The following MME variants were observed in gnomAD, a reference collection of about 807,000 sequenced individuals.
MME encodes neprilysin.
Under a neutral mutation model 113.2 loss-of-function variants are expected in MME, and 98 were observed. The ratio of observed to expected loss-of-function variants is 0.87; its 90% CI spans 0.74 to 1.02. MME has a LOEUF of 1.02. Ranked by LOEUF, MME falls within the 50% of genes least tolerant of loss-of-function variation. MME has a pLI of 0.00. For synonymous variants in MME, 292 were observed against 300.6 expected, an observed-to-expected ratio of 0.97 and a Z score of 0.30; for missense variants, 836 against 896.0, an observed-to-expected ratio of 0.93 and a Z score of 0.86.
chr3:155,062,525 G>C (rs1338279505), intron 1 of MME, among the ~76,000 whole-genome samples: 2 of 151,902 alleles, frequency 1.3e-5, no homozygotes, highest in Non-Finnish European at 2.9e-5. Context: ...ACTAAACTTA[G>C]AATTATTTCA....
chr3:155,101,572 C>G (rs532665962), intron 3 of MME, among the ~76,000 whole-genome samples: 9 of 152,300 alleles, frequency 5.9e-5, no homozygotes, highest in African/African-American at 2.2e-4. Flanking sequence ...TCATTCCCCA[C>G]TTCTGGAAAA....
intron 8 of MME, among the ~76,000 whole-genome samples, chr3:155,123,319 T>G (rs1449213139): frequency 5.5e-5 from 6 of 108,212 alleles, no homozygotes; most frequent in Non-Finnish European, 9.5e-5. Flanking sequence ...TGTCTCTGCA[T>G]GTGAGATGGG....
chr3:155,059,180 G>A (rs1041757501), intron 1 of MME, among the ~76,000 whole-genome samples: 2 of 150,692 alleles, frequency 1.3e-5, no homozygotes, highest in South Asian at 2.1e-4. Context: ...GCTTGAACCC[G>A]GCGGGCAGAG....
chr3:155,074,023 C>T (rs1714666087), intron 1 of MME, among the ~76,000 whole-genome samples: 1 of 151,562 alleles, frequency 6.6e-6, no homozygotes, highest in Admixed American at 6.6e-5. Flanking sequence ...CTATTGACTT[C>T]TCTTCATCTC....
At chr3:155,044,366 C>CA (rs1260045143) in intron 1 of MME, among the ~76,000 whole-genome samples, 8 of 152,112 alleles carry the variant, frequency 5.3e-5, no homozygotes, top group Non-Finnish European at 1.2e-4. Context: ...CTCCTGATCT[C>CA]AGACGATCCA....
Position 155,116,452 on chromosome 3 carries a change from T to C in MME, c.359-27T>C, listed in dbSNP as rs191808045. On this transcript the variant is annotated intron_variant, in intron 4 of 22. Coordinates refer to ENST00000360490, the MANE Select transcript of MME (RefSeq NM_007289.4). ...TAGTGCAAATGAGCAATTATGTTGA[T>C]GCATTTTATTAAATGTCCTATTTCA... The C allele has an allele frequency of 2.9e-5, 43 of 1,473,178 alleles. No individual in the cohort carries two copies. The East Asian group carries it at 7.7e-4, about 26-fold the overall frequency. 91.3% of individuals were successfully genotyped at this position (1,473,178 alleles called of 1,614,324 possible).
At chr3:155,103,533 A>T (rs1477183087) in intron 3 of MME, among the ~76,000 whole-genome samples, 1 of 152,222 alleles carries the variant, frequency 6.6e-6, no homozygotes, top group Non-Finnish European at 1.5e-5. Context: ...CTAAGCTAGA[A>T]CTAGGTTAAT....
intron 14 of MME, 41 bp downstream of exon 14, chr3:155,144,498 T>G: frequency 1.5e-6 from 2 of 1,303,230 alleles, no homozygotes; most frequent in Non-Finnish European, 2.2e-6. Context: ...AAATCTTTGC[T>G]AGTATAGGAA....
upstream of MME, among the ~76,000 whole-genome samples, chr3:155,079,134 A>G (rs1254509421): frequency 6.6e-6 from 1 of 152,088 alleles, no homozygotes; most frequent in Non-Finnish European, 1.5e-5. Flanking sequence ...AAAGGGAAGA[A>G]AGAGGGAAGC....
intron 2 of MME, among the ~76,000 whole-genome samples, chr3:155,084,808 C>T (rs1027178276): frequency 6.6e-6 from 1 of 152,042 alleles, no homozygotes; most frequent in African/African-American, 2.4e-5. Flanking sequence ...ATTTAATAGG[C>T]CTGGGGCTTC....
chr3:155,043,511 T>C (rs529261968), intron 1 of MME, among the ~76,000 whole-genome samples: 2 of 152,086 alleles, frequency 1.3e-5, no homozygotes, highest in South Asian at 2.1e-4. Flanking sequence ...TATGTATTTT[T>C]AGTAGAGATG....
At chr3:155,030,570 A>G (rs1444887115) in intron 1 of MME, among the ~76,000 whole-genome samples, 1 of 151,876 alleles carries the variant, frequency 6.6e-6, no homozygotes, top group African/African-American at 2.4e-5. Context: ...CACTTTATCC[A>G]GCTTTTTTTT....
rs143857297 is a variant in MME, at chr3:155,165,553, C to G, written c.1661-1349C>G. ...TGGTAAGCCTTCCAAAGATTTTTAG[C>G]AGGAGAATGATGATGCCCAGAGTTG... On this transcript the variant is annotated intron_variant, in intron 17 of 22. Coordinates refer to ENST00000360490, the MANE Select transcript of MME (RefSeq NM_007289.4). 3.3e-5 allele frequency among the ~76,000 whole-genome samples: 5 copies of G among 152,168 alleles called. No individual in the cohort carries two copies. The East Asian group carries it at 9.7e-4, about 30-fold the overall frequency.
At chr3:155,152,534 T>G (rs547689607) in intron 16 of MME, among the ~76,000 whole-genome samples, 9 of 152,194 alleles carry the variant, frequency 5.9e-5, no homozygotes, top group Admixed American at 2.0e-4. Flanking sequence ...CTAACTCAGC[T>G]GCTAAAATAA....
intron 8 of MME, among the ~76,000 whole-genome samples, chr3:155,136,155 T>A (rs1720616110): frequency 1.3e-5 from 2 of 152,154 alleles, no homozygotes. Context: ...GATTGATTGA[T>A]CTAGGTAGGA....
chr3:155,108,121 C>A (rs1717851746), intron 3 of MME, among the ~76,000 whole-genome samples: 1 of 152,296 alleles, frequency 6.6e-6, no homozygotes, highest in East Asian at 1.9e-4. Flanking sequence ...CCACAGGAAC[C>A]TAACCTTGTA....
At position 155,134,682 on chromosome 3, in the gene MME, G is replaced by T. The variant is rs149778729; in HGVS notation, c.721-3420G>T. Among the ~76,000 whole-genome samples the T allele has an allele frequency of 4.9e-3, 750 of 152,216 alleles. 3 individuals carry two copies. The highest frequency in any genetic ancestry group is 8.4e-3 in the Non-Finnish European group (568 of 67,966). On this transcript the variant is annotated intron_variant, in intron 8 of 22. Coordinates refer to ENST00000360490, the MANE Select transcript of MME (RefSeq NM_007289.4). ...AATGAGATTTCTGGGTCAAATGGTAGTTCTATTTTAAGTTCTTTGAGAAAT... is the reference window on the plus strand; with the variant it reads ...AATGAGATTTCTGGGTCAAATGGTATTTCTATTTTAAGTTCTTTGAGAAAT...
At position 155,180,507 on chromosome 3, in the gene MME, A is replaced by G. The variant is rs1576683273; in HGVS notation, c.*48A>G. ...CCTTGGCTAGACTTGCCAACACCAC[A>G]GAAATGGGGAATTCTCTAATCGAAA... On this transcript the variant is annotated 3_prime_UTR_variant, in exon 23 of 23. Coordinates refer to ENST00000360490, the MANE Select transcript of MME (RefSeq NM_007289.4). The G allele has an allele frequency of 7.1e-7, 1 of 1,403,604 alleles. No individual in the cohort carries two copies. Among genetic ancestry groups the G allele is most frequent in the Non-Finnish European group, 1.0e-6 (1 of 988,498 alleles). The allele number at this position is 1,403,604 out of a possible 1,614,324, so 86.9% of individuals were successfully genotyped here. A position where few individuals can be genotyped will look rare whatever the true frequency, so the allele number is the denominator to read the frequency against.
At chr3:155,160,340 G>T (rs1722624292) in intron 16 of MME, 50 bp from the exon 17 acceptor site, 1 of 1,207,070 alleles carries the variant, frequency 8.3e-7, no homozygotes, top group South Asian at 1.2e-5. Flanking sequence ...TGAGTGGGTT[G>T]AATCAGATAA....
Sources: allele counts gnomAD v4.1 joint callset (sites outside exome capture counted in the v4.1 genomes callset), GRCh38; gene constraint gnomAD v4.1.1; transcripts MANE v1.5; gene names NCBI Gene and HGNC (gene_info 2026-07-23, HGNC 2026-07-21).